CNTN5: variants seen among roughly 807,000 people sequenced by gnomAD.
CNTN5 encodes contactin 5.
Under a neutral mutation model 129.1 loss-of-function variants are expected in CNTN5, and 77 were observed. The observed-to-expected ratio is 0.60, with a 90% CI of 0.50 to 0.72. CNTN5 has a LOEUF of 0.72. Among genes scored for constraint, CNTN5 ranks in the 30% least tolerant of loss-of-function variants. The pLI, the probability that CNTN5 is intolerant of heterozygous loss-of-function variation, is 0.00. For synonymous variants in CNTN5, 509 were observed against 465.6 expected, an observed-to-expected ratio of 1.09 and a Z score of -1.20; for missense variants, 1,478 against 1,328.8, an observed-to-expected ratio of 1.11 and a Z score of -1.75.
intron 21 of CNTN5, among the ~76,000 whole-genome samples, chr11:100,321,384 A>C (rs1951694139): frequency 6.6e-6 from 1 of 151,490 alleles, no homozygotes; most frequent in Non-Finnish European, 1.5e-5. Flanking sequence ...AACACTACTA[A>C]ATTTTGTATG....
At chr11:99,200,846 T>G (rs2135626910) in intron 1 of CNTN5, among the ~76,000 whole-genome samples, 1 of 152,222 alleles carries the variant, frequency 6.6e-6, no homozygotes, top group South Asian at 2.1e-4. Flanking sequence ...AATATACCCT[T>G]GGATTGGCTT....
intron 1 of CNTN5, among the ~76,000 whole-genome samples, chr11:99,199,903 A>C (rs1258667321): frequency 6.6e-6 from 1 of 152,222 alleles, no homozygotes; most frequent in Admixed American, 6.5e-5. Context: ...GTTAAAAGTG[A>C]AGCCTAAACT....
chr11:100,071,799 G>C lies in CNTN5; in HGVS notation c.1394G>C (p.Gly465Ala). 2 of 1,607,926 alleles carry C rather than the reference G, an allele frequency of 1.2e-6. No individual in the cohort carries two copies. Among genetic ancestry groups the C allele is most frequent in the Non-Finnish European group, 1.7e-6 (2 of 1,177,268 alleles). Residue 465 changes from glycine to alanine, a missense_variant, in exon 12 of 25, where the codon GGA (glycine) becomes GCA (alanine). Gly to Ala is a moderately conservative substitution (Grantham distance 60, BLOSUM62 0). Coordinates refer to ENST00000524871, the MANE Select transcript of CNTN5 (RefSeq NM_014361.4). ...MYQCLAENKY[G>A]AIYASAELKI... ...CAGTGTTTGGCTGAAAATAAGTATG[G>C]AGCCATTTACGCTAGTGCTGAGCTG... is the stretch of plus-strand genomic sequence containing the variant.
At chr11:99,478,897 C>T (rs1200862045) in intron 2 of CNTN5, among the ~76,000 whole-genome samples, 1 of 152,020 alleles carries the variant, frequency 6.6e-6, no homozygotes, top group Non-Finnish European at 1.5e-5. Flanking sequence ...CATTAATGTC[C>T]ATTTAACCTG....
chr11:99,523,691 G>GTT (rs1947372557), intron 2 of CNTN5, among the ~76,000 whole-genome samples: 2 of 59,888 alleles, frequency 3.3e-5, no homozygotes, highest in Non-Finnish European at 6.8e-5. Flanking sequence ...GAACAGAACA[G>GTT]AACAGAATAG....
chr11:99,768,152 C>G (rs922771237), intron 3 of CNTN5, among the ~76,000 whole-genome samples: 1 of 151,978 alleles, frequency 6.6e-6, no homozygotes, highest in Non-Finnish European at 1.5e-5. Context: ...GTTTGTCAAA[C>G]CTTGATTTAG....
In CNTN5 at chr11:100,340,629, G is replaced by A. The variant is rs770097444; in HGVS notation, c.2897G>A (p.Ser966Asn). The A allele has an allele frequency of 1.3e-6, 2 of 1,599,102 alleles. No homozygotes were observed. Among genetic ancestry groups the A allele is most frequent in the Admixed American group, 3.6e-5 (2 of 55,538 alleles). ...AGYGPPSSEVSATTKKSPPSQ... is the reference protein window; with the variant it reads ...AGYGPPSSEVNATTKKSPPSQ... ...TATGGGCCACCTAGCAGTGAAGTGA[G>A]TGCAACCACCAAGAAATCCCGTAAG... is the stretch of plus-strand genomic sequence containing the variant. Residue 966 changes from serine to asparagine, a missense_variant, in exon 22 of 25, where the codon AGT becomes AAT. By Grantham distance (46) the Ser-to-Asn change is conservative. Coordinates refer to ENST00000524871, the MANE Select transcript of CNTN5 (RefSeq NM_014361.4).
At chr11:99,854,546 A>C (rs917707639) in intron 6 of CNTN5, among the ~76,000 whole-genome samples, 3 of 152,174 alleles carry the variant, frequency 2.0e-5, no homozygotes, top group Admixed American at 6.5e-5. Flanking sequence ...GTATAAAAAC[A>C]TATGGAGGAG....
intron 13 of CNTN5, among the ~76,000 whole-genome samples, chr11:100,157,494 G>GA (rs1947287866): frequency 6.7e-6 from 1 of 149,814 alleles, no homozygotes; most frequent in African/African-American, 2.5e-5. Flanking sequence ...TTAATGAATT[G>GA]AAAAACTCAA....
At chr11:100,137,541 G>GCTAT (rs1946565910) in intron 13 of CNTN5, among the ~76,000 whole-genome samples, 1 of 151,982 alleles carries the variant, frequency 6.6e-6, no homozygotes, top group African/African-American at 2.4e-5. Context: ...TGATTAAATA[G>GCTAT]CTATCTCAAA....
chr11:99,376,778 G>A (rs1444831755), intron 2 of CNTN5, among the ~76,000 whole-genome samples: 1 of 152,154 alleles, frequency 6.6e-6, no homozygotes, highest in Non-Finnish European at 1.5e-5. Flanking sequence ...TATAAAAATA[G>A]CACCTGGAAT....
chr11:100,263,122 T>G (rs1363125721), intron 17 of CNTN5, among the ~76,000 whole-genome samples: 1 of 152,138 alleles, frequency 6.6e-6, no homozygotes, highest in South Asian at 2.1e-4. Context: ...AAATCACACT[T>G]ACTGGATAGT....
At chr11:99,780,138 G>T (rs933308065) in intron 3 of CNTN5, among the ~76,000 whole-genome samples, 2 of 151,932 alleles carry the variant, frequency 1.3e-5, no homozygotes, top group African/African-American at 4.8e-5. Flanking sequence ...TAAACTACTG[G>T]TAGTTTCTGT....
At chr11:99,343,016 G>C (rs971525936) in intron 2 of CNTN5, among the ~76,000 whole-genome samples, 1 of 152,138 alleles carries the variant, frequency 6.6e-6, no homozygotes, top group African/African-American at 2.4e-5. Context: ...AAAGTGGAAA[G>C]GGAGCATTAG....
chr11:99,830,720 A>T (rs1947112394), intron 4 of CNTN5, among the ~76,000 whole-genome samples: 1 of 152,158 alleles, frequency 6.6e-6, no homozygotes, highest in African/African-American at 2.4e-5. Context: ...TCAAAACTTT[A>T]TGACTTTATT....
chr11:99,764,188 G>C (rs1487483699), intron 3 of CNTN5, among the ~76,000 whole-genome samples: 1 of 151,950 alleles, frequency 6.6e-6, no homozygotes, highest in Non-Finnish European at 1.5e-5. Context: ...TAAAGGCCTA[G>C]ATGTACAAAA....
chr11:99,460,292 TATTA>T (rs1463163977), intron 2 of CNTN5, among the ~76,000 whole-genome samples: 2 of 151,482 alleles, frequency 1.3e-5, no homozygotes, highest in Non-Finnish European at 3.0e-5. Context: ...ATTTAAGAAA[TATTA>T]ATTATTTAAG....
intron 18 of CNTN5, among the ~76,000 whole-genome samples, chr11:100,278,551 A>G (rs1459571991): frequency 1.3e-5 from 2 of 151,908 alleles, no homozygotes; most frequent in Admixed American, 6.6e-5. Flanking sequence ...TAAGTGTTGT[A>G]TTTTATTTGT....
chr11:99,834,714 C>G (rs1377047415), intron 4 of CNTN5, among the ~76,000 whole-genome samples: 1 of 152,100 alleles, frequency 6.6e-6, no homozygotes, highest in Non-Finnish European at 1.5e-5. Flanking sequence ...GGTACTTTTT[C>G]TCCATTCCAT....
Sources: allele counts gnomAD v4.1 joint callset (sites outside exome capture counted in the v4.1 genomes callset), GRCh38; gene constraint gnomAD v4.1.1; transcripts MANE v1.5; gene names NCBI Gene and HGNC (gene_info 2026-07-23, HGNC 2026-07-21).